PHF23: variants seen among roughly 807,000 people sequenced by gnomAD.
PHF23 encodes the protein PDH-containing protein JUNE-1.
PHF23 carries 3 observed loss-of-function variants against 36.0 expected under a neutral mutation model. That is an observed-to-expected ratio of 0.08 (90% CI 0.04 to 0.22). The LOEUF (loss-of-function observed/expected upper bound fraction) is 0.22, where lower values mean the gene tolerates loss of function less well. Ranked by LOEUF, PHF23 falls within the 10% of genes least tolerant of loss-of-function variation. The probability of loss-of-function intolerance (pLI) is 1.00; values close to 1 mark genes in which losing one functional copy is unlikely to be tolerated. For synonymous variants in PHF23, 242 were observed against 192.5 expected (o/e 1.26, Z -2.13); for missense variants, 475 against 513.6 (o/e 0.92, Z 0.73).
intron 1 of PHF23, chr17:7,238,767 C>T: frequency 6.5e-7 from 1 of 1,533,746 alleles, no homozygotes; most frequent in Non-Finnish European, 8.7e-7. Flanking sequence ...CCCTCTTCTC[C>T]CCACAACTAC....
Position 7,237,463 on chromosome 17 carries a change from C to G in PHF23, c.81G>C (p.Arg27=). The change falls in exon 3 of 5, where the codon CGG becomes CGC. Residue 27 remains arginine, a synonymous_variant. Coordinates refer to ENST00000320316, the MANE Select transcript of PHF23 (RefSeq NM_024297.3). ...TGTTGAAATCCTCAATTGTTCTCCG[C>G]CGTTTCTCTGGTGGCTGAAAGGAAG... ...LKPETQPPEK[R]RRTIEDFNKF... 6.2e-7 allele frequency: 1 copy of G among 1,614,106 alleles called. No individual in the cohort carries two copies. Among genetic ancestry groups the G allele is most frequent in the Non-Finnish European group, 8.5e-7 (1 of 1,179,978 alleles).
Position 7,236,680 on chromosome 17 carries a change from C to T in PHF23, c.247G>A (p.Asp83Asn), listed in dbSNP as rs927739854. Residue 83 changes from aspartate (D) to asparagine (N), a missense_variant, in exon 4 of 5, where the codon GAT (aspartate) becomes AAT (asparagine). By Grantham distance (23) the Asp-to-Asn change is conservative. Around this residue, in one of 5 missense-constraint regions of PHF23, gnomAD observed 350 missense variants for 319.8 expected, o/e 1.09. Transcript: ENST00000320316. The surrounding 1 kb of genome is among the most constrained non-coding windows in gnomAD (Gnocchi z 5.1). ...DSDGWDSAPS[D>N]LRTIQTFVKK... Reference sequence around the variant, plus strand: ...ACAAAAGTCTGGATGGTTCGAAGATCTGAGGGGGCCGAGTCCCAGCCATCA... The same window carrying T: ...ACAAAAGTCTGGATGGTTCGAAGATTTGAGGGGGCCGAGTCCCAGCCATCA... 4 of 1,613,942 alleles carry T rather than the reference C, an allele frequency of 2.5e-6. No homozygotes were observed. The highest frequency in any genetic ancestry group is 3.4e-6 in the Non-Finnish European group (4 of 1,180,022).
intron 1 of PHF23, 112 bp downstream of exon 1, chr17:7,239,134 A>AC (rs2071742721): frequency 1.0e-6 from 1 of 989,340 alleles, no homozygotes; most frequent in Admixed American, 2.4e-5. Flanking sequence ...CAGCCTCCCG[A>AC]CCCCCTCCCC....
At position 7,235,558 on chromosome 17, in the gene PHF23, T is replaced by A; in HGVS notation, c.*68A>T. The A allele has an allele frequency of 6.6e-7, 1 of 1,516,132 alleles. No homozygotes were observed. The highest frequency in any genetic ancestry group is 9.1e-7 in the Non-Finnish European group (1 of 1,104,192). The allele number at this position is 1,516,132 out of a possible 1,614,324, so 93.9% of individuals were successfully genotyped here. A position where few individuals can be genotyped will look rare whatever the true frequency, so the allele number is the denominator to read the frequency against. On this transcript the variant is annotated 3_prime_UTR_variant, in exon 5 of 5. Transcript: ENST00000320316. The stretch of plus-strand genomic sequence containing the variant: ...AGTATCCAAGCTCCAGGGGATAGGC[T>A]GAGGACCCTGAGGCTCAGTTCCCAA...
rs1418857421 is a variant in PHF23, at chr17:7,235,815, T to C, written c.1023A>G (p.Thr341=). ...CTGCAAAGGGCTTTCGACAGTAACA[T>C]GTGATCAGATCCCATGAGTCATCAC... ...ESGDDSWDLI[T]CYCRKPFAGR... is the part of the protein sequence containing the mutation. The change falls in exon 5 of 5, where the codon ACA becomes ACG. Residue 341 remains threonine (T), a synonymous_variant. Transcript: ENST00000320316. The C allele has an allele frequency of 3.7e-6, 6 of 1,614,168 alleles. No individual in the cohort carries two copies. The highest frequency in any genetic ancestry group is 5.1e-6 in the Non-Finnish European group (6 of 1,180,028).
rs374845758 is a variant in PHF23 at position 7,237,420 on chromosome 17, A to G, written c.124T>C (p.Leu42=). 20 of 1,613,972 alleles carry G rather than the reference A, an allele frequency of 1.2e-5. No individual in the cohort carries two copies. Among genetic ancestry groups the G allele is most frequent in the African/African-American group, 6.7e-5 (5 of 74,902 alleles). Residue 42 remains leucine, a synonymous_variant, in exon 3 of 5, where the codon TTG becomes CTG. Coordinates refer to ENST00000320316, the MANE Select transcript of PHF23 (RefSeq NM_024297.3). ...EDFNKFCSFV[L]AYAGYIPPSK... Reference sequence around the variant, plus strand: ...GGGGGAATGTAACCAGCATATGCCAAAACAAAACTGCAGAATTTGTTGAAA... The same window carrying G: ...GGGGGAATGTAACCAGCATATGCCAGAACAAAACTGCAGAATTTGTTGAAA...
intron 1 of PHF23, 55 bp from the exon 2 acceptor site, chr17:7,237,715 C>T: frequency 6.3e-7 from 1 of 1,597,640 alleles, no homozygotes; most frequent in Non-Finnish European, 8.6e-7. Context: ...GTGTAAAACT[C>T]CCCCTCTAAA....
chr17:7,239,500 C>G (rs1281991934), upstream of PHF23: 10 of 469,038 alleles, frequency 2.1e-5, no homozygotes, highest in Non-Finnish European at 3.5e-5. Context: ...GCCGCCTGCT[C>G]CCTCCTCCTC....
At position 7,239,139 on chromosome 17, in the gene PHF23, C is replaced by T. The variant is rs2071742802; in HGVS notation, c.34+107G>A. The T allele has an allele frequency of 3.0e-6, 3 of 1,011,042 alleles. No individual in the cohort carries two copies. In the East Asian group the frequency reaches 8.0e-5, roughly 27 times the overall value. The allele number at this position is 1,011,042 out of a possible 1,614,324, so 62.6% of individuals were successfully genotyped here. The stretch of plus-strand genomic sequence containing the variant: ...CCTCCAGGGCCAGCCTCCCGACCCC[C>T]TCCCCGAACTCCCCCGCTGGGCTCC... On this transcript the variant is annotated intron_variant, in intron 1 of 4. Coordinates refer to ENST00000320316, the MANE Select transcript of PHF23 (RefSeq NM_024297.3).
At position 7,235,426 on chromosome 17, in the gene PHF23, G is replaced by A; in HGVS notation, c.*200C>T. The A allele has an allele frequency of 1.6e-6, 1 of 606,068 alleles. No homozygotes were observed. Among genetic ancestry groups the A allele is most frequent in the Non-Finnish European group, 2.9e-6 (1 of 345,482 alleles). 37.5% of individuals were successfully genotyped at this position (606,068 alleles called of 1,614,324 possible). A position where few individuals can be genotyped will look rare whatever the true frequency, so the allele number is the denominator to read the frequency against. The stretch of plus-strand genomic sequence containing the variant: ...ACAGCCTCCCATCCCCAACCGTAAT[G>A]GATTCAATTTCAAGTCCACAGAGTG... On this transcript the variant is annotated 3_prime_UTR_variant, in exon 5 of 5. Coordinates refer to ENST00000320316, the MANE Select transcript of PHF23 (RefSeq NM_024297.3).
At chr17:7,238,642 C>G in intron 1 of PHF23, 1 of 701,188 alleles carries the variant, frequency 1.4e-6, no homozygotes, top group Non-Finnish European at 1.6e-6. Context: ...GTCTTAACCC[C>G]CCCCACCCCG....
chr17:7,235,154 C>T lies in PHF23; in HGVS notation c.*472G>A, dbSNP rs2071629686. On this transcript the variant is annotated 3_prime_UTR_variant, in exon 5 of 5. Transcript: ENST00000320316. ...GTCACCTTTCTGCTTTCCTTCCTCA[C>T]TTGGCCAGGCTCTAGTACTCCACCT... 5.6e-6 allele frequency: 1 copy of T among 179,974 alleles called. No individual in the cohort carries two copies. Among genetic ancestry groups the T allele is most frequent in the South Asian group, 1.1e-4 (1 of 9,384 alleles). The allele number at this position is 179,974 out of a possible 1,614,324, so 11.1% of individuals were successfully genotyped here.
chr17:7,239,546 C>T (rs924370184), upstream of PHF23: 2 of 345,292 alleles, frequency 5.8e-6, no homozygotes, highest in South Asian at 7.0e-5. Context: ...CCCTCCTCTT[C>T]TCTCCCTCCT....
Position 7,239,342 on chromosome 17 carries a change from C to T in PHF23, c.-63G>A, listed in dbSNP as rs1467855475. 2.2e-5 allele frequency: 18 copies of T among 829,468 alleles called. No individual in the cohort carries two copies. The African/African-American group carries it at 2.5e-4, about 12-fold the overall frequency. The allele number at this position is 829,468 out of a possible 1,614,324, so 51.4% of individuals were successfully genotyped here. A position where few individuals can be genotyped will look rare whatever the true frequency, so the allele number is the denominator to read the frequency against. On this transcript the variant is annotated 5_prime_UTR_variant, in exon 1 of 5. Transcript: ENST00000320316. The stretch of plus-strand genomic sequence containing the variant: ...CCGGAGCCGGGGATCCCGGTGCCGC[C>T]TCTAGTGCTCGATGCTCCCACTGCT...
upstream of PHF23, chr17:7,240,657 A>T: frequency 1.8e-6 from 1 of 562,644 alleles, no homozygotes; most frequent in Non-Finnish European, 3.2e-6. Context: ...GGAAGAAAGG[A>T]GAAAGGAGAG....
In PHF23 at chr17:7,236,657, A is replaced by G; in HGVS notation, c.270T>C (p.Phe90=). Residue 90 remains phenylalanine (F), a synonymous_variant, in exon 4 of 5, where the codon TTT becomes TTC. Transcript: ENST00000320316. This position sits in a 1 kb window ranked among gnomAD's most constrained non-coding sequence, Gnocchi z 5.1. ...TCTTGGATGACTTTGCTTTCTTAAC[A>G]AAAGTCTGGATGGTTCGAAGATCTG... The part of the protein sequence containing the change: ...APSDLRTIQT[F]VKKAKSSKRR... The G allele has an allele frequency of 6.2e-7, 1 of 1,614,118 alleles. No homozygotes were observed. Among genetic ancestry groups the G allele is most frequent in the Middle Eastern group, 1.6e-4 (1 of 6,062 alleles).
intron 1 of PHF23, chr17:7,238,918 C>A: frequency 6.6e-7 from 1 of 1,526,594 alleles, no homozygotes; most frequent in Admixed American, 2.0e-5. Context: ...TCCTGAGCAA[C>A]TCTCCGGCCA....
At position 7,236,343 on chromosome 17, in the gene PHF23, C is replaced by G. The variant is rs766021564; in HGVS notation, c.584G>C (p.Gly195Ala). ...CCGAGGCCTCCGAAGCACCCCAAAGCCAGCCCCAGCTCCTGGCCCCAACTT... is the reference window on the plus strand; with the variant it reads ...CCGAGGCCTCCGAAGCACCCCAAAGGCAGCCCCAGCTCCTGGCCCCAACTT... Reference protein sequence around the residue: ...NRKLGPGAGAGFGVLRRPRPT... With the variant: ...NRKLGPGAGAAFGVLRRPRPT... Residue 195 changes from glycine (G) to alanine (A), a missense_variant, in exon 4 of 5, where the codon GGC (glycine) becomes GCC (alanine). Physicochemically the swap from Gly to Ala is moderately conservative, Grantham distance 60. Coordinates refer to ENST00000320316, the MANE Select transcript of PHF23 (RefSeq NM_024297.3). This position sits in a 1 kb window ranked among gnomAD's most constrained non-coding sequence, Gnocchi z 5.1. 12 of 1,614,194 alleles carry G rather than the reference C, an allele frequency of 7.4e-6. No individual in the cohort carries two copies. Among genetic ancestry groups the G allele is most frequent in the South Asian group, 1.1e-5 (1 of 91,090 alleles).
intron 3 of PHF23, 129 bp downstream of exon 3, chr17:7,237,256 C>A: frequency 1.1e-6 from 1 of 872,950 alleles, no homozygotes; most frequent in East Asian, 2.4e-5. Context: ...CTAAGAGTCT[C>A]CAACTTCCCT....
Sources: gnomAD v4.1 joint callset for allele counts on GRCh38, gnomAD v4.1.1 for gene constraint, gnomAD v4.1.1 regional missense constraint, Gnocchi (gnomAD v3.1) non-coding constraint, MANE v1.5 for transcripts, NCBI Gene and HGNC (gene_info 2026-07-23, HGNC 2026-07-21) for gene names.